TMTC2: variants seen among roughly 807,000 people sequenced by gnomAD.
TMTC2 encodes the protein transmembrane O-mannosyltransferase targeting cadherins 2, also known as protein O-mannosyl-transferase TMTC2.
TMTC2 carries 43 observed loss-of-function variants against 82.4 expected under a neutral mutation model. The ratio of observed to expected loss-of-function variants is 0.52; its 90% CI spans 0.41 to 0.67. TMTC2 has a LOEUF of 0.67. TMTC2 is among the 30% of genes least tolerant of loss of function. The probability of loss-of-function intolerance (pLI) is 0.00; values close to 1 mark genes in which losing one functional copy is unlikely to be tolerated. For missense variants in TMTC2, 919 were observed against 1,012.4 expected, an observed-to-expected ratio of 0.91 and a Z score of 1.25; for synonymous variants, 408 against 381.9, an observed-to-expected ratio of 1.07 and a Z score of -0.80.
At chr12:83,106,477 C>T (rs1259181053) in intron 11 of TMTC2, among the ~76,000 whole-genome samples, 1 of 107,558 alleles carries the variant, frequency 9.3e-6, no homozygotes, top group Admixed American at 1.2e-4. Flanking sequence ...CCAGCCTGGA[C>T]AACAAGAGCA....
At chr12:83,059,120 C>T (rs1301622255) in intron 10 of TMTC2, among the ~76,000 whole-genome samples, 1 of 151,754 alleles carries the variant, frequency 6.6e-6, no homozygotes, top group Non-Finnish European at 1.5e-5. Context: ...GTCTCGGGAA[C>T]CTGAGTCCTG....
At chr12:82,828,049 T>C (rs1869526346) in intron 1 of TMTC2, among the ~76,000 whole-genome samples, 1 of 151,490 alleles carries the variant, frequency 6.6e-6, no homozygotes, top group Non-Finnish European at 1.5e-5. Flanking sequence ...TGCGCCACCA[T>C]GCCCAGCTAA....
chr12:82,869,304 G>T (rs756243041), intron 2 of TMTC2, among the ~76,000 whole-genome samples: 83 of 152,046 alleles, frequency 5.5e-4, no homozygotes, highest in Admixed American at 2.6e-3. Context: ...ACTTACTTTT[G>T]TTTGTTTTTA....
intron 3 of TMTC2, among the ~76,000 whole-genome samples, chr12:82,897,468 T>G (rs1022358610): frequency 6.6e-5 from 10 of 152,218 alleles, no homozygotes; most frequent in African/African-American, 9.6e-5. Context: ...TAGATGTAAA[T>G]TTTTAGTGCA....
intron 3 of TMTC2, among the ~76,000 whole-genome samples, chr12:82,918,440 A>G (rs1455593341): frequency 6.6e-6 from 1 of 152,176 alleles, no homozygotes; most frequent in Non-Finnish European, 1.5e-5. Flanking sequence ...AAGTACTTCA[A>G]TTTTGGCAGA....
intron 1 of TMTC2, 126 bp from the exon 2 acceptor site, chr12:82,856,884 C>T (rs1256344065): frequency 2.2e-6 from 2 of 905,706 alleles, no homozygotes; most frequent in Non-Finnish European, 3.3e-6. Context: ...CTTATATGTG[C>T]CTGGAATCCC....
At chr12:82,790,859 G>GA (rs909975580) in intron 1 of TMTC2, among the ~76,000 whole-genome samples, 1 of 150,606 alleles carries the variant, frequency 6.6e-6, no homozygotes, top group Non-Finnish European at 1.5e-5. Context: ...AAAAGAAAAA[G>GA]AAAAAATTCT....
intron 11 of TMTC2, among the ~76,000 whole-genome samples, chr12:83,085,135 C>G (rs1592736499): frequency 6.6e-6 from 1 of 152,296 alleles, no homozygotes; most frequent in East Asian, 1.9e-4. Flanking sequence ...TTAATCCTCT[C>G]TGCAATTTCT....
chr12:83,108,002 C>T (rs145781043), intron 11 of TMTC2, among the ~76,000 whole-genome samples: 1 of 151,878 alleles, frequency 6.6e-6, no homozygotes, highest in Admixed American at 6.6e-5. Flanking sequence ...TGTGTAGAAC[C>T]TCCCACTTCT....
chr12:82,826,501 C>G (rs957278981), intron 1 of TMTC2, among the ~76,000 whole-genome samples: 1 of 151,904 alleles, frequency 6.6e-6, no homozygotes, highest in Admixed American at 6.6e-5. Flanking sequence ...TAATGGTGTG[C>G]TTAAAAAAAA....
At chr12:83,074,478 G>A (rs745667436) in intron 11 of TMTC2, among the ~76,000 whole-genome samples, 8 of 152,100 alleles carry the variant, frequency 5.3e-5, no homozygotes, top group African/African-American at 9.7e-5. Context: ...AGGGCTAGGC[G>A]TGTCTGAGCC....
intron 4 of TMTC2, among the ~76,000 whole-genome samples, chr12:82,956,697 G>T (rs747229488): frequency 5.9e-5 from 9 of 151,936 alleles, no homozygotes; most frequent in South Asian, 2.1e-4. Context: ...CAGGTGATCC[G>T]CCCGCCTTTG....
intron 11 of TMTC2, among the ~76,000 whole-genome samples, chr12:83,070,489 G>A (rs965289522): frequency 1.3e-5 from 2 of 151,118 alleles, no homozygotes; most frequent in Non-Finnish European, 2.9e-5. Flanking sequence ...TTGATTCTTT[G>A]CTTGGTTGCT....
intron 11 of TMTC2, among the ~76,000 whole-genome samples, chr12:83,075,921 A>C (rs1342617524): frequency 6.6e-6 from 1 of 152,162 alleles, no homozygotes; most frequent in Non-Finnish European, 1.5e-5. Context: ...TTTGTGTTGT[A>C]CTTCTGTTTT....
intron 1 of TMTC2, among the ~76,000 whole-genome samples, chr12:82,768,234 G>A (rs918969257): frequency 2.6e-5 from 4 of 152,180 alleles, no homozygotes; most frequent in East Asian, 3.9e-4. Context: ...TGTGTCTGCC[G>A]TCACTCCCTC....
chr12:82,888,941 CTT>C (rs1401435507), intron 2 of TMTC2, among the ~76,000 whole-genome samples: 1 of 151,992 alleles, frequency 6.6e-6, no homozygotes, highest in Non-Finnish European at 1.5e-5. Context: ...TTTTGAGACA[CTT>C]AATTATAAAA....
intron 3 of TMTC2, among the ~76,000 whole-genome samples, chr12:82,913,685 A>G (rs1402647333): frequency 1.3e-5 from 2 of 152,182 alleles, no homozygotes; most frequent in Non-Finnish European, 1.5e-5. Context: ...TTTTTAATAC[A>G]TGGAAGTATA....
chr12:83,019,544 C>T, intron 8 of TMTC2, among the ~76,000 whole-genome samples: 1 of 152,138 alleles, frequency 6.6e-6, no homozygotes, highest in South Asian at 2.1e-4. Context: ...TCTCAGCTAT[C>T]TCAAAAGTAG....
intron 1 of TMTC2, among the ~76,000 whole-genome samples, chr12:82,694,902 C>T (rs1054139067): frequency 6.6e-6 from 1 of 152,058 alleles, no homozygotes; most frequent in Non-Finnish European, 1.5e-5. Flanking sequence ...GAAAAATTCA[C>T]GACTTTTGAT....
Sources: allele counts gnomAD v4.1 joint callset (sites outside exome capture counted in the v4.1 genomes callset), GRCh38; gene constraint gnomAD v4.1.1; transcripts MANE v1.5; gene names NCBI Gene and HGNC (gene_info 2026-07-23, HGNC 2026-07-21).